Variants in DTWD1 observed in about 807,000 individuals in gnomAD.
DTWD1 encodes the protein tRNA-uridine aminocarboxypropyltransferase 1.
Under a neutral mutation model 30.2 loss-of-function variants are expected in DTWD1, and 27 were observed. That is an observed-to-expected ratio of 0.90 (90% CI 0.66 to 1.23). The LOEUF (loss-of-function observed/expected upper bound fraction) is 1.23, where lower values mean the gene tolerates loss of function less well. DTWD1 is among the 50% of genes most tolerant of loss of function. DTWD1 has a pLI of 0.00. For missense variants in DTWD1, 342 were observed against 348.8 expected (o/e 0.98, Z 0.15); for synonymous variants, 99 against 113.1 (o/e 0.88, Z 0.79).
rs1388260215 is a variant in DTWD1, at chr15:49,634,517, C to T, written c.409-19C>T. 1.3e-6 allele frequency: 2 copies of T among 1,584,878 alleles called. No individual in the cohort carries two copies. The highest frequency in any genetic ancestry group is 2.3e-5 in the South Asian group (2 of 85,382). On this transcript the variant is annotated intron_variant, in intron 3 of 4. Coordinates refer to ENST00000403028, the MANE Select transcript of DTWD1 (RefSeq NM_001144955.2). ...AAGATCATAGTAGCACACTGCTAAC[C>T]CAATTTTCTTTGTTTTAGGTTGCAC...
intron 2 of DTWD1, among the ~76,000 whole-genome samples, chr15:49,625,898 A>C (rs1567734142): frequency 6.6e-6 from 1 of 151,764 alleles, no homozygotes; most frequent in Admixed American, 6.6e-5. Flanking sequence ...GGTTGTTTGC[A>C]GGCTGGAAAC....
Position 49,625,106 on chromosome 15 carries a change from T to A in DTWD1, c.-55-7T>A, listed in dbSNP as rs775143865. On this transcript the variant is annotated splice_polypyrimidine_tract_variant and splice_region_variant and intron_variant, in intron 1 of 4. Transcript: ENST00000403028. ...TTTTTCCTTCTCTTGATACTTTTTT[T>A]TTACAGTGCACCTATGATATGTGTT... The A allele has an allele frequency of 2.2e-5, 33 of 1,472,402 alleles. No homozygotes were observed. Among genetic ancestry groups the A allele is most frequent in the Non-Finnish European group, 3.0e-5 (33 of 1,085,926 alleles). 91.2% of individuals were successfully genotyped at this position (1,472,402 alleles called of 1,614,324 possible).
At chr15:49,640,698 A>T (rs905569548) in intron 4 of DTWD1, among the ~76,000 whole-genome samples, 2 of 152,022 alleles carry the variant, frequency 1.3e-5, no homozygotes, top group South Asian at 4.1e-4. Flanking sequence ...TGATAATTAC[A>T]TTGTTTATTT....
rs1328164605 is a variant in DTWD1 at position 49,649,965 on chromosome 15, A to G, written c.*6387A>G. On this transcript the variant is annotated 3_prime_UTR_variant, in exon 5 of 5. Coordinates refer to ENST00000403028, the MANE Select transcript of DTWD1 (RefSeq NM_001144955.2). ...GTGCCAGTTTAAATAGCATGGTCAG[A>G]TGGAAAAGCCTGTGATAAGGTAAAA... 1 of 152,104 alleles carries G rather than the reference A, an allele frequency of 6.6e-6. No individual in the cohort carries two copies. Among genetic ancestry groups the G allele is most frequent in the Admixed American group, 6.6e-5 (1 of 15,266 alleles). 9.4% of individuals were successfully genotyped at this position (152,104 alleles called of 1,614,324 possible).
intron 2 of DTWD1, 117 bp from the exon 3 acceptor site, chr15:49,632,042 T>C (rs1319783364): frequency 4.3e-6 from 4 of 924,288 alleles, no homozygotes; most frequent in African/African-American, 1.7e-5. Flanking sequence ...TTTTAAACCA[T>C]ATGCATATTT....
rs1300317548 is a variant in DTWD1 at position 49,653,509 on chromosome 15, A to G, written c.*9931A>G. On this transcript the variant is annotated 3_prime_UTR_variant, in exon 5 of 5. Coordinates refer to ENST00000403028, the MANE Select transcript of DTWD1 (RefSeq NM_001144955.2). ...ATAAATTGTGTTGCTTAAGCACACT[A>G]TAATACATGTGGCAAGAAGCTGCCA... 1.3e-5 allele frequency: 2 copies of G among 152,172 alleles called. No individual in the cohort carries two copies. Among genetic ancestry groups the G allele is most frequent in the African/African-American group, 4.8e-5 (2 of 41,458 alleles). 9.4% of individuals were successfully genotyped at this position (152,172 alleles called of 1,614,324 possible).
At chr15:49,626,413 T>TTACCTTTA (rs374195610) in intron 2 of DTWD1, among the ~76,000 whole-genome samples, 18 of 152,310 alleles carry the variant, frequency 1.2e-4, no homozygotes, top group African/African-American at 4.3e-4. Flanking sequence ...ATTTGATTGC[T>TTACCTTTA]TACCTTTATA....
chr15:49,633,043 C>CTATATATATATATATATATA (rs368196512), intron 3 of DTWD1, among the ~76,000 whole-genome samples: 29 of 129,504 alleles, frequency 2.2e-4, no homozygotes, highest in East Asian at 1.2e-3. Flanking sequence ...CTATTTATAT[C>CTATATATATATATATATATA]TATATCTATA....
Position 49,628,155 on chromosome 15 carries a change from A to G in DTWD1, c.264+2724A>G, listed in dbSNP as rs76394558. Among the ~76,000 whole-genome samples, 294 of 152,308 alleles carry G rather than the reference A, an allele frequency of 1.9e-3. 1 individual carries two copies. In the East Asian group the frequency reaches 0.031, roughly 16 times the overall value. On this transcript the variant is annotated intron_variant, in intron 2 of 4. Coordinates refer to ENST00000403028, the MANE Select transcript of DTWD1 (RefSeq NM_001144955.2). ...CCTAGGCTTACACAGTGTCAGGATC[A>G]TCAGTATCACTGTCTTCTTCCACCT...
At chr15:49,621,902 G>C (rs990998150) in intron 1 of DTWD1, among the ~76,000 whole-genome samples, 31 of 152,130 alleles carry the variant, frequency 2.0e-4, no homozygotes, top group Admixed American at 1.8e-3. Context: ...AATTGGAAGT[G>C]GTTTTTTTCT....
chr15:49,627,154 G>A (rs977429594), intron 2 of DTWD1, among the ~76,000 whole-genome samples: 6 of 151,912 alleles, frequency 3.9e-5, no homozygotes, highest in African/African-American at 1.5e-4. Context: ...CAAATCAGTG[G>A]TCTAATATAC....
intron 4 of DTWD1, among the ~76,000 whole-genome samples, chr15:49,641,106 A>T (rs1163481200): frequency 1.3e-5 from 2 of 152,026 alleles, no homozygotes; most frequent in Non-Finnish European, 2.9e-5. Context: ...CCAGTTATTT[A>T]ATTGTAGGGG....
chr15:49,643,635 G>T lies in DTWD1; in HGVS notation c.*57G>T. ...TGCTAACATTAATAAACTTATATTT[G>T]TGCTTTGTTTTTTCTTAAGAAATAA... is the stretch of plus-strand genomic sequence containing the variant. On this transcript the variant is annotated 3_prime_UTR_variant, in exon 5 of 5. Transcript: ENST00000403028. 6.7e-7 allele frequency: 1 copy of T among 1,495,596 alleles called. No individual in the cohort carries two copies. The highest frequency in any genetic ancestry group is 2.4e-5 in the East Asian group (1 of 42,148). The allele number at this position is 1,495,596 out of a possible 1,614,324, so 92.6% of individuals were successfully genotyped here. A position where few individuals can be genotyped will look rare whatever the true frequency, so the allele number is the denominator to read the frequency against.
chr15:49,639,976 T>C (rs1038707873), intron 4 of DTWD1, among the ~76,000 whole-genome samples: 1 of 152,142 alleles, frequency 6.6e-6, no homozygotes, highest in African/African-American at 2.4e-5. Context: ...TGAAATAATA[T>C]ATACACACAC....
Position 49,634,725 on chromosome 15 carries a change from A to G in DTWD1, c.598A>G (p.Lys200Glu). The change falls in exon 4 of 5, where the codon AAA (lysine) becomes GAA (glutamate). Residue 200 changes from lysine to glutamate, a missense_variant. Physicochemically the swap from Lys to Glu is moderately conservative, Grantham distance 56. Coordinates refer to ENST00000403028, the MANE Select transcript of DTWD1 (RefSeq NM_001144955.2). ...CAGCAAGTGCAAAGGCACAACACTG[A>G]AAAAAATTATATTTATAGATAGCAC... ...NDSKCKGTTLKKIIFIDSTWN... is the reference protein window; with the variant it reads ...NDSKCKGTTLEKIIFIDSTWN... 1 of 1,608,138 alleles carries G rather than the reference A, an allele frequency of 6.2e-7. No individual in the cohort carries two copies. Among genetic ancestry groups the G allele is most frequent in the African/African-American group, 1.3e-5 (1 of 74,784 alleles).
At chr15:49,629,009 C>A (rs1451966292) in intron 2 of DTWD1, among the ~76,000 whole-genome samples, 2 of 152,056 alleles carry the variant, frequency 1.3e-5, no homozygotes, top group Non-Finnish European at 2.9e-5. Flanking sequence ...CAGACGGGCT[C>A]CAGTGTGTGA....
chr15:49,637,261 A>T (rs954346762), intron 4 of DTWD1, among the ~76,000 whole-genome samples: 1 of 152,018 alleles, frequency 6.6e-6, no homozygotes, highest in African/African-American at 2.4e-5. Context: ...AATCTTTTTG[A>T]TAATAATCTT....
chr15:49,626,667 G>T, intron 2 of DTWD1: 1 of 371,466 alleles, frequency 2.7e-6, no homozygotes, highest in Non-Finnish European at 5.6e-6. Flanking sequence ...TTTAAAATTT[G>T]TTTTGATGAT....
rs1205576178 is a variant in DTWD1, at chr15:49,644,843, A to G, written c.*1265A>G. The G allele has an allele frequency of 1.3e-5, 2 of 152,294 alleles. No individual in the cohort carries two copies. Among genetic ancestry groups the G allele is most frequent in the East Asian group, 3.9e-4 (2 of 5,184 alleles). The allele number at this position is 152,294 out of a possible 1,614,324, so 9.4% of individuals were successfully genotyped here. ...TTCACTACAACTTGTTGCTTTACCT[A>G]AACCCTGCTCATACATTTGTAAATA... On this transcript the variant is annotated 3_prime_UTR_variant, in exon 5 of 5. Coordinates refer to ENST00000403028, the MANE Select transcript of DTWD1 (RefSeq NM_001144955.2).
Sources: allele counts gnomAD v4.1 joint callset (sites outside exome capture counted in the v4.1 genomes callset), GRCh38; gene constraint gnomAD v4.1.1; transcripts MANE v1.5; gene names NCBI Gene and HGNC (gene_info 2026-07-23, HGNC 2026-07-21).